Variants in CCSER1 observed in about 807,000 individuals in gnomAD.
The protein encoded by CCSER1 is serine-rich coiled-coil domain-containing protein 1.
Under a neutral mutation model 82.0 loss-of-function variants are expected in CCSER1, and 41 were observed. The observed-to-expected ratio is 0.50, with a 90% CI of 0.39 to 0.65. The LOEUF (loss-of-function observed/expected upper bound fraction) is 0.65, where lower values mean the gene tolerates loss of function less well. Among genes scored for constraint, CCSER1 ranks in the 30% least tolerant of loss-of-function variants. The pLI is 0.00. For missense variants in CCSER1, 1,119 were observed against 1,064.2 expected (o/e 1.05, Z -0.72); for synonymous variants, 414 against 383.9 (o/e 1.08, Z -0.92).
At chr4:91,546,047 A>C (rs188740746) in intron 10 of CCSER1, among the ~76,000 whole-genome samples, 1 of 151,816 alleles carries the variant, frequency 6.6e-6, no homozygotes, top group South Asian at 2.1e-4. Context: ...TAATTGTGTA[A>C]TTTTTATTCT....
chr4:91,446,143 G>A (rs572659732), intron 10 of CCSER1, among the ~76,000 whole-genome samples: 2 of 152,054 alleles, frequency 1.3e-5, no homozygotes, highest in East Asian at 1.9e-4. Context: ...TGTGAAGGTC[G>A]TGCCTTCATT....
chr4:91,033,475 T>A (rs1251360177), intron 9 of CCSER1, among the ~76,000 whole-genome samples: 1 of 152,158 alleles, frequency 6.6e-6, no homozygotes, highest in African/African-American at 2.4e-5. Context: ...GAAGTCAGTG[T>A]ATATGTGGGT....
At chr4:90,557,048 T>A (rs1176708646) in intron 5 of CCSER1, among the ~76,000 whole-genome samples, 1 of 151,970 alleles carries the variant, frequency 6.6e-6, no homozygotes, top group African/African-American at 2.4e-5. Flanking sequence ...ATATATGCTC[T>A]GTTTATTTTC....
chr4:91,185,491 C>A (rs1025617560), intron 10 of CCSER1, among the ~76,000 whole-genome samples: 4 of 152,200 alleles, frequency 2.6e-5, no homozygotes, highest in African/African-American at 9.7e-5. Context: ...AGGCAGAAGG[C>A]TCACAGCTTT....
At chr4:90,365,831 T>A (rs1746190236) in intron 3 of CCSER1, among the ~76,000 whole-genome samples, 1 of 151,924 alleles carries the variant, frequency 6.6e-6, no homozygotes, top group Non-Finnish European at 1.5e-5. Context: ...TGAGCAAACA[T>A]TTGTTTTTGC....
intron 10 of CCSER1, among the ~76,000 whole-genome samples, chr4:91,164,706 T>C (rs185942461): frequency 2.4e-3 from 363 of 152,310 alleles, no homozygotes; most frequent in African/African-American, 8.1e-3. Context: ...ATACCCTTTC[T>C]TCCACTTGAT....
chr4:90,436,737 A>T (rs1490099094), intron 4 of CCSER1, among the ~76,000 whole-genome samples: 3 of 152,168 alleles, frequency 2.0e-5, no homozygotes, highest in African/African-American at 7.2e-5. Flanking sequence ...AATTATGCAT[A>T]TATGCATATT....
chr4:91,166,788 C>A (rs1732129330), intron 10 of CCSER1, among the ~76,000 whole-genome samples: 1 of 152,100 alleles, frequency 6.6e-6, no homozygotes, highest in South Asian at 2.1e-4. Flanking sequence ...TACGTGTAAA[C>A]AATTAATGCT....
At chr4:90,753,277 A>T (rs186065229) in intron 7 of CCSER1, among the ~76,000 whole-genome samples, 1 of 152,240 alleles carries the variant, frequency 6.6e-6, no homozygotes, top group Non-Finnish European at 1.5e-5. Flanking sequence ...TCTCTGGTGA[A>T]GGAGAATGCA....
At chr4:90,551,791 G>A (rs1241886511) in intron 5 of CCSER1, among the ~76,000 whole-genome samples, 1 of 148,544 alleles carries the variant, frequency 6.7e-6, no homozygotes, top group Non-Finnish European at 1.5e-5. Flanking sequence ...GACAGTCTTT[G>A]TCTATCTTAT....
At chr4:91,086,833 A>G (rs970558577) in intron 10 of CCSER1, among the ~76,000 whole-genome samples, 1 of 152,020 alleles carries the variant, frequency 6.6e-6, no homozygotes, top group African/African-American at 2.4e-5. Flanking sequence ...TTGACATTTT[A>G]GTTCCTAGTG....
chr4:91,161,867 C>T (rs1731438795), intron 10 of CCSER1, among the ~76,000 whole-genome samples: 1 of 152,126 alleles, frequency 6.6e-6, no homozygotes, highest in Non-Finnish European at 1.5e-5. Context: ...AATACACAAT[C>T]ATGTCATCTG....
At chr4:90,764,237 A>G (rs1249669759) in intron 7 of CCSER1, among the ~76,000 whole-genome samples, 1 of 152,142 alleles carries the variant, frequency 6.6e-6, no homozygotes, top group Non-Finnish European at 1.5e-5. Context: ...ATGATTATTT[A>G]ATAAAAAAAA....
At chr4:90,321,908 G>T (rs966720412) in intron 3 of CCSER1, among the ~76,000 whole-genome samples, 1 of 151,832 alleles carries the variant, frequency 6.6e-6, no homozygotes, top group Non-Finnish European at 1.5e-5. Flanking sequence ...TTGTCAGATG[G>T]GTATTTTCTC....
intron 5 of CCSER1, among the ~76,000 whole-genome samples, chr4:90,522,300 A>G (rs963571692): frequency 3.9e-5 from 6 of 152,132 alleles, no homozygotes; most frequent in Non-Finnish European, 8.8e-5. Context: ...AAGTCACTAC[A>G]TTTTGTAGGT....
At chr4:90,506,743 T>A (rs189780291) in intron 5 of CCSER1, among the ~76,000 whole-genome samples, 4 of 150,504 alleles carry the variant, frequency 2.7e-5, no homozygotes, top group Admixed American at 6.7e-5. Flanking sequence ...CCAACCTGGA[T>A]GACAGAGTGA....
At chr4:91,278,684 A>C (rs187197147) in intron 10 of CCSER1, among the ~76,000 whole-genome samples, 2 of 152,216 alleles carry the variant, frequency 1.3e-5, no homozygotes, top group East Asian at 3.9e-4. Context: ...ATTTACCTTC[A>C]AGGTTAATGT....
At chr4:91,083,420 C>CG (rs1723014145) in intron 9 of CCSER1, among the ~76,000 whole-genome samples, 1 of 150,400 alleles carries the variant, frequency 6.6e-6, no homozygotes, top group South Asian at 2.1e-4. Context: ...GGGGGGTTGG[C>CG]GGGGGGAAGG....
intron 5 of CCSER1, among the ~76,000 whole-genome samples, chr4:90,482,765 A>T (rs1347309381): frequency 1.3e-5 from 2 of 152,090 alleles, no homozygotes; most frequent in Non-Finnish European, 2.9e-5. Context: ...GTTCTTTTAC[A>T]TTTGCTGAGG....
Sources: gnomAD v4.1 joint callset for allele counts (sites outside exome capture counted in the v4.1 genomes callset) on GRCh38, gnomAD v4.1.1 for gene constraint, MANE v1.5 for transcripts, NCBI Gene and HGNC (gene_info 2026-07-23, HGNC 2026-07-21) for gene names.